CTNNAL1: variants seen among roughly 807,000 people sequenced by gnomAD.
CTNNAL1 encodes the protein alpha-catulin.
CTNNAL1 carries 69 observed loss-of-function variants against 93.6 expected under a neutral mutation model. The observed-to-expected ratio is 0.74, with a 90% CI of 0.61 to 0.90. The LOEUF is 0.90. Among genes scored for constraint, CTNNAL1 ranks in the 40% least tolerant of loss-of-function variants. CTNNAL1 has a pLI of 0.00. For synonymous variants in CTNNAL1, 286 were observed against 305.4 expected (o/e 0.94, Z 0.66); for missense variants, 836 against 862.0 (o/e 0.97, Z 0.38).
intron 11 of CTNNAL1, among the ~76,000 whole-genome samples, chr9:108,959,099 C>T (rs1182177501): frequency 6.6e-6 from 1 of 151,622 alleles, no homozygotes; most frequent in Non-Finnish European, 1.5e-5. Flanking sequence ...GTGGCTCATG[C>T]CTGTAATCCC....
At chr9:109,000,860 T>G (rs753640518) in intron 1 of CTNNAL1, among the ~76,000 whole-genome samples, 12 of 151,882 alleles carry the variant, frequency 7.9e-5, no homozygotes, top group Non-Finnish European at 1.3e-4. Flanking sequence ...GGTTCTGGAA[T>G]TGGAATGAAG....
chr9:108,970,973 A>G (rs1831099778), intron 9 of CTNNAL1, among the ~76,000 whole-genome samples: 1 of 152,244 alleles, frequency 6.6e-6, no homozygotes, highest in South Asian at 2.1e-4. Context: ...GACAGACCCT[A>G]TATCAGAGGA....
intron 3 of CTNNAL1, chr9:108,991,872 C>G (rs1161748456): frequency 1.7e-6 from 1 of 573,638 alleles, no homozygotes; most frequent in Non-Finnish European, 3.1e-6. Context: ...CGTACATACC[C>G]TGGATTCCCA....
At chr9:108,993,579 T>G (rs1831897813) in intron 2 of CTNNAL1, among the ~76,000 whole-genome samples, 1 of 152,190 alleles carries the variant, frequency 6.6e-6, no homozygotes, top group Admixed American at 6.5e-5. Context: ...CTAGAAAAAT[T>G]ATCTTCTTCA....
At chr9:108,948,139 T>A in intron 15 of CTNNAL1, 47 bp downstream of exon 15, 1 of 1,597,154 alleles carries the variant, frequency 6.3e-7, no homozygotes, top group African/African-American at 1.3e-5. Context: ...ATTACCCACT[T>A]TTAGCCCGAA....
chr9:108,992,555 C>A (rs985938915), intron 3 of CTNNAL1, 77 bp downstream of exon 3: 54 of 1,476,752 alleles, frequency 3.7e-5, no homozygotes, highest in Non-Finnish European at 4.9e-5. Context: ...GCCAAGCAAT[C>A]CACCACTAAG....
chr9:108,989,387 A>G (rs1420669724), intron 4 of CTNNAL1, among the ~76,000 whole-genome samples: 1 of 152,210 alleles, frequency 6.6e-6, no homozygotes, highest in African/African-American at 2.4e-5. Flanking sequence ...AGGAAAAGAA[A>G]GAAAATTTGT....
chr9:109,006,983 C>T (rs1827048171), intron 1 of CTNNAL1, among the ~76,000 whole-genome samples: 2 of 152,148 alleles, frequency 1.3e-5, no homozygotes, highest in Non-Finnish European at 2.9e-5. Flanking sequence ...CTTTGGGAGG[C>T]CAAGGCTGGT....
At chr9:108,992,854 G>A in intron 2 of CTNNAL1, 35 bp from the exon 3 acceptor site, 1 of 1,570,102 alleles carries the variant, frequency 6.4e-7, no homozygotes, top group Non-Finnish European at 8.6e-7. Flanking sequence ...AGTTAAACAG[G>A]CATACAAATT....
Position 108,987,662 on chromosome 9 carries a change from C to T in CTNNAL1, c.639+3064G>A, listed in dbSNP as rs1480520284. Among the ~76,000 whole-genome samples, 8 of 152,242 alleles carry T rather than the reference C, an allele frequency of 5.3e-5. No individual in the cohort carries two copies. In the East Asian group the frequency reaches 1.4e-3, roughly 26 times the overall value. Reference sequence around the variant, plus strand: ...GATATTGATTCTTCCTACCCATGAGCATGGAATGTTCTTCCATTTGTTTGT... The same window carrying T: ...GATATTGATTCTTCCTACCCATGAGTATGGAATGTTCTTCCATTTGTTTGT... On this transcript the variant is annotated intron_variant, in intron 4 of 18. Transcript: ENST00000325551.
chr9:109,008,876 C>CTTTTTTTTTTTTTTTTTT (rs1162375548), intron 1 of CTNNAL1, among the ~76,000 whole-genome samples: 2 of 54,872 alleles, frequency 3.6e-5, no homozygotes, highest in Non-Finnish European at 6.9e-5. Context: ...AACAGAGGTT[C>CTTTTTTTTTTTTTTTTTT]TTTTTTTTTT....
At chr9:108,957,539 A>C (rs1192102529) in intron 11 of CTNNAL1, among the ~76,000 whole-genome samples, 1 of 152,202 alleles carries the variant, frequency 6.6e-6, no homozygotes, top group African/African-American at 2.4e-5. Flanking sequence ...TTATGATTCA[A>C]ATCATTTCCT....
rs751710757 is a variant in CTNNAL1, at chr9:108,948,225, C to A, written c.1845G>T (p.Gly615=). ...TTAAATCCTGGGAAGTTTTCAGTGG[C>A]CCCTCTCCTCTAAAATAAAATTAAT... ...YSLYLFTRGE[G]PLKTSQDLIH... The change falls in exon 15 of 19, where the codon GGG becomes GGT. Residue 615 remains glycine, a synonymous_variant. Transcript: ENST00000325551. 61 of 1,611,344 alleles carry A rather than the reference C, an allele frequency of 3.8e-5. No individual in the cohort carries two copies. The highest frequency in any genetic ancestry group is 4.6e-5 in the Non-Finnish European group (54 of 1,179,310).
rs373092838 is a variant in CTNNAL1, at chr9:108,979,280, C to T, written c.1101+1G>A. The T allele has an allele frequency of 3.1e-6, 5 of 1,613,792 alleles. No individual in the cohort carries two copies. The highest frequency in any genetic ancestry group is 4.2e-6 in the Non-Finnish European group (5 of 1,179,938). ...ACTTTGATTTTAAAAAAAGTTCTTACAGCTTGAATCCACACAGAAATTAAC... is the reference window on the plus strand; with the variant it reads ...ACTTTGATTTTAAAAAAAGTTCTTATAGCTTGAATCCACACAGAAATTAAC... On this transcript the variant is annotated splice_donor_variant, in intron 7 of 18. Transcript: ENST00000325551. LOFTEE classifies it high-confidence loss of function.
chr9:108,987,952 T>C (rs1469052367), intron 4 of CTNNAL1, among the ~76,000 whole-genome samples: 3 of 152,226 alleles, frequency 2.0e-5, no homozygotes. Context: ...GTTTTCTAGA[T>C]ATACAATCAT....
chr9:108,943,815 A>G lies in CTNNAL1; in HGVS notation c.1943T>C (p.Leu648Pro). The change falls in exon 17 of 19, where the codon CTG becomes CCG. Residue 648 changes from leucine (L) to proline (P), a missense_variant and splice_region_variant. Transcript: ENST00000325551. Reference protein sequence around the residue: ...TSSVQAFSKQLKDDDKLMLLL... With the variant: ...TSSVQAFSKQPKDDDKLMLLL... Reference sequence around the variant, plus strand: ...AAGCATAAGCTTGTCATCGTCTTTCAGCTGAAATGTAATTTAACAAGTTAT... The same window carrying G: ...AAGCATAAGCTTGTCATCGTCTTTCGGCTGAAATGTAATTTAACAAGTTAT... 6.2e-7 allele frequency: 1 copy of G among 1,612,742 alleles called. No individual in the cohort carries two copies. Among genetic ancestry groups the G allele is most frequent in the South Asian group, 1.1e-5 (1 of 90,656 alleles).
At chr9:108,974,471 T>C (rs185411779) in intron 8 of CTNNAL1, among the ~76,000 whole-genome samples, 1 of 152,198 alleles carries the variant, frequency 6.6e-6, no homozygotes, top group Non-Finnish European at 1.5e-5. Context: ...GAGATTTCAA[T>C]AGACATATCA....
At chr9:108,980,043 G>C (rs562429624) in intron 6 of CTNNAL1, among the ~76,000 whole-genome samples, 1 of 152,180 alleles carries the variant, frequency 6.6e-6, no homozygotes, top group Non-Finnish European at 1.5e-5. Flanking sequence ...TCCTCTACCA[G>C]AGGGTCTGTA....
In CTNNAL1 at chr9:108,992,652, T is replaced by TGTTGTTTG; in HGVS notation, c.498_499insCAAACAAC (p.Ile167GlnfsTer4). 1 of 1,611,314 alleles carries TGTTGTTTG rather than the reference T, an allele frequency of 6.2e-7. No individual in the cohort carries two copies. On this transcript the variant is annotated frameshift_variant, in exon 3 of 19. Transcript: ENST00000325551. LOFTEE classifies it high-confidence loss of function. ...AGTACCTTATTTCTTGATGTTATTA[T>TGTTGTTTG]CTGTTTAATGACTACTCGGTCTGCC...
Sources: gnomAD v4.1 joint callset for allele counts (sites outside exome capture counted in the v4.1 genomes callset) on GRCh38, gnomAD v4.1.1 for gene constraint, MANE v1.5 for transcripts, NCBI Gene and HGNC (gene_info 2026-07-23, HGNC 2026-07-21) for gene names.